The following BPNT1 variants were observed in gnomAD, a reference collection of about 807,000 sequenced individuals.
The protein encoded by BPNT1 is 3'(2'),5'-bisphosphate nucleotidase 1.
BPNT1 carries 28 observed loss-of-function variants against 36.9 expected under a neutral mutation model. The ratio of observed to expected loss-of-function variants is 0.76; its 90% CI spans 0.56 to 1.04. The LOEUF is 1.04. Ranked by LOEUF, BPNT1 falls within the 50% of genes least tolerant of loss-of-function variation. The pLI, the probability that BPNT1 is intolerant of heterozygous loss-of-function variation, is 0.00. For missense variants in BPNT1, 313 were observed against 372.9 expected, an observed-to-expected ratio of 0.84 and a Z score of 1.32; for synonymous variants, 119 against 130.9, an observed-to-expected ratio of 0.91 and a Z score of 0.62.
chr1:220,063,325 G>GC (rs1205322180), intron 6 of BPNT1, among the ~76,000 whole-genome samples: 1 of 152,152 alleles, frequency 6.6e-6, no homozygotes, highest in Non-Finnish European at 1.5e-5. Context: ...TCCAGTCTGG[G>GC]CGACAGGGCA....
In BPNT1 at chr1:220,058,035, G is replaced by C. The variant is rs183086624; in HGVS notation, c.*809C>G. ...TACTAAAAATACAAAAAATTAGCCA[G>C]GCGTGGTGGCGGTGCCTGCAGTCCC... On this transcript the variant is annotated 3_prime_UTR_variant, in exon 9 of 9. Coordinates refer to ENST00000322067, the MANE Select transcript of BPNT1 (RefSeq NM_006085.6). The C allele has an allele frequency of 4.2e-5, 24 of 567,484 alleles. No homozygotes were observed. Among genetic ancestry groups the C allele is most frequent in the African/African-American group, 3.8e-4 (19 of 50,538 alleles). 35.2% of individuals were successfully genotyped at this position (567,484 alleles called of 1,614,324 possible).
Position 220,062,777 on chromosome 1 carries a change from C to T in BPNT1, c.652G>A (p.Val218Ile). 6.2e-7 allele frequency: 1 copy of T among 1,614,208 alleles called. No homozygotes were observed. The highest frequency in any genetic ancestry group is 8.5e-7 in the Non-Finnish European group (1 of 1,180,016). ...CATACCTTATTTCCTGCTCCTCCTA[C>T]TCGCAGCACAGCATCGGGGTTCATA... ...AAMNPDAVLR[V>I]GGAGNKIIQL... is the part of the protein sequence containing the mutation. The change falls in exon 7 of 9, where the codon GTA (valine) becomes ATA (isoleucine). Residue 218 changes from valine (V) to isoleucine (I), a missense_variant. By Grantham distance (29) the Val-to-Ile change is conservative (BLOSUM62 3). Coordinates refer to ENST00000322067, the MANE Select transcript of BPNT1 (RefSeq NM_006085.6).
chr1:220,069,461 T>A (rs767353396), intron 4 of BPNT1, 29 bp from the exon 5 acceptor site: 4 of 1,569,500 alleles, frequency 2.5e-6, no homozygotes, highest in Non-Finnish European at 2.6e-6. Flanking sequence ...AAGGAAAATA[T>A]CTAAATCAAG....
chr1:220,074,001 C>T lies in BPNT1; in HGVS notation c.191G>A (p.Arg64Gln), dbSNP rs199645307. 40 of 1,614,002 alleles carry T rather than the reference C, an allele frequency of 2.5e-5. No individual in the cohort carries two copies. The African/African-American group carries it at 3.2e-4, about 13-fold the overall frequency. ...TATAATTGTGAGTTTGGGGAATTTCCGGGCCAATGAAGAACATATGCTCAT... is the reference window on the plus strand; with the variant it reads ...TATAATTGTGAGTTTGGGGAATTTCTGGGCCAATGAAGAACATATGCTCAT... ...AQMSICSSLA[R>Q]KFPKLTIIGE... Residue 64 changes from arginine to glutamine, a missense_variant, in exon 3 of 9, where the codon CGG becomes CAG. Coordinates refer to ENST00000322067, the MANE Select transcript of BPNT1 (RefSeq NM_006085.6).
At chr1:220,083,364 G>C (rs1052118845) in intron 1 of BPNT1, among the ~76,000 whole-genome samples, 1 of 148,432 alleles carries the variant, frequency 6.7e-6, no homozygotes, top group Non-Finnish European at 1.5e-5. Context: ...TCGCTCTATC[G>C]CCCAGGCTGG....
At chr1:220,066,038 A>G in intron 6 of BPNT1, 3 of 1,492,098 alleles carry the variant, frequency 2.0e-6, no homozygotes, top group Non-Finnish European at 2.7e-6. Flanking sequence ...TTTTCTACCT[A>G]CTAGTGGAGC....
intron 5 of BPNT1, among the ~76,000 whole-genome samples, chr1:220,068,606 T>A (rs550462584): frequency 1.3e-5 from 2 of 150,292 alleles, no homozygotes; most frequent in South Asian, 4.2e-4. Context: ...AGGTCAGGAG[T>A]TCAAGACCAG....
At chr1:220,072,723 G>C in intron 4 of BPNT1, 127 bp downstream of exon 4, 1 of 687,476 alleles carries the variant, frequency 1.5e-6, no homozygotes, top group Non-Finnish European at 2.5e-6. Flanking sequence ...GGCTCTGAAA[G>C]ATATCAAGTT....
chr1:220,063,013 T>C (rs1663199150), intron 6 of BPNT1, 59 bp from the exon 7 acceptor site: 1 of 1,528,558 alleles, frequency 6.5e-7, no homozygotes, highest in Admixed American at 1.7e-5. Context: ...CGTTAGCCCA[T>C]AAATGGAATA....
In BPNT1 at chr1:220,079,851, C is replaced by T. The variant is rs1664944548; in HGVS notation, c.-5G>A. The T allele has an allele frequency of 1.2e-6, 2 of 1,612,460 alleles. No individual in the cohort carries two copies. Among genetic ancestry groups the T allele is most frequent in the African/African-American group, 2.7e-5 (2 of 74,996 alleles). On this transcript the variant is annotated 5_prime_UTR_variant, in exon 2 of 9. Coordinates refer to ENST00000322067, the MANE Select transcript of BPNT1 (RefSeq NM_006085.6). ...CACAGTGTTACTGGAAGCCATGGTACACTCTAAAAAGAGATCAAGAAAAAT... is the reference window on the plus strand; with the variant it reads ...CACAGTGTTACTGGAAGCCATGGTATACTCTAAAAAGAGATCAAGAAAAAT...
intron 4 of BPNT1, 54 bp from the exon 5 acceptor site, chr1:220,069,486 AAAATAGATTT>A: frequency 7.2e-7 from 1 of 1,390,694 alleles, no homozygotes; most frequent in Non-Finnish European, 1.0e-6. Flanking sequence ...CAAAATTCTA[AAAATAGATTT>A]AAATAGATTA....
chr1:220,076,391 C>G (rs1571779321), intron 2 of BPNT1, among the ~76,000 whole-genome samples: 2 of 151,376 alleles, frequency 1.3e-5, no homozygotes, highest in South Asian at 4.2e-4. Flanking sequence ...GTCCCAGCTA[C>G]TCGGGAGGCT....
At chr1:220,073,839 A>AT in intron 3 of BPNT1, 128 bp downstream of exon 3, 1 of 871,490 alleles carries the variant, frequency 1.1e-6, no homozygotes. Flanking sequence ...TACAATAATT[A>AT]CTTTTGTGTT....
intron 4 of BPNT1, among the ~76,000 whole-genome samples, chr1:220,070,994 G>A (rs1202493949): frequency 1.3e-5 from 2 of 151,162 alleles, no homozygotes; most frequent in Non-Finnish European, 3.0e-5. Context: ...AAAATTAGCT[G>A]GGCGTGGTGG....
At chr1:220,085,221 C>T (rs1421547700) in intron 1 of BPNT1, among the ~76,000 whole-genome samples, 1 of 152,164 alleles carries the variant, frequency 6.6e-6, no homozygotes, top group African/African-American at 2.4e-5. Flanking sequence ...GAGCAAGGCC[C>T]AAACTAGCTA....
chr1:220,067,256 T>G (rs200184441), intron 6 of BPNT1, 46 bp downstream of exon 6: 13 of 1,309,786 alleles, frequency 9.9e-6, no homozygotes, highest in Non-Finnish European at 1.4e-5. Context: ...GATAACACTA[T>G]AATTATTTAT....
intron 7 of BPNT1, among the ~76,000 whole-genome samples, chr1:220,060,700 C>T (rs754860976): frequency 5.9e-5 from 9 of 151,976 alleles, no homozygotes; most frequent in Non-Finnish European, 1.3e-4. Context: ...GAGATTTATT[C>T]TAAGCCCAAT....
Position 220,074,002 on chromosome 1 carries a change from G to C in BPNT1, c.190C>G (p.Arg64Gly). The C allele has an allele frequency of 1.2e-6, 2 of 1,614,026 alleles. No homozygotes were observed. The highest frequency in any genetic ancestry group is 1.7e-5 in the Admixed American group (1 of 59,986). The change falls in exon 3 of 9, where the codon CGG becomes GGG. Residue 64 changes from arginine to glycine, a missense_variant. Physicochemically the swap from Arg to Gly is moderately radical, Grantham distance 125 (BLOSUM62 -2). Coordinates refer to ENST00000322067, the MANE Select transcript of BPNT1 (RefSeq NM_006085.6). ...ATAATTGTGAGTTTGGGGAATTTCC[G>C]GGCCAATGAAGAACATATGCTCATC... ...AQMSICSSLA[R>G]KFPKLTIIGE...
intron 3 of BPNT1, among the ~76,000 whole-genome samples, chr1:220,073,196 A>G (rs1225622917): frequency 6.6e-6 from 1 of 152,222 alleles, no homozygotes; most frequent in Non-Finnish European, 1.5e-5. Flanking sequence ...AAAAGAAAAG[A>G]ATTTTTAAGT....
Sources: allele counts gnomAD v4.1 joint callset (sites outside exome capture counted in the v4.1 genomes callset), GRCh38; gene constraint gnomAD v4.1.1; transcripts MANE v1.5; gene names NCBI Gene and HGNC (gene_info 2026-07-23, HGNC 2026-07-21).